Variants in NDUFAF6 observed in about 807,000 individuals in gnomAD.
NDUFAF6 encodes NADH:ubiquinone oxidoreductase complex assembly factor 6.
A neutral mutation model predicts 40.8 loss-of-function variants in NDUFAF6; 45 were observed. The observed-to-expected ratio is 1.10, with a 90% CI of 0.87 to 1.42. The LOEUF (loss-of-function observed/expected upper bound fraction) is 1.42. Ranked by LOEUF, NDUFAF6 falls within the 40% of genes most tolerant of loss-of-function variation. The pLI is 0.00. For missense variants in NDUFAF6, 435 were observed against 418.5 expected, an observed-to-expected ratio of 1.04 and a Z score of -0.34; for synonymous variants, 185 against 155.9, an observed-to-expected ratio of 1.19 and a Z score of -1.39.
At chr8:95,095,756 CT>C (rs1809441715), upstream of NDUFAF6, among the ~76,000 whole-genome samples, 4 of 152,084 alleles carry the variant, frequency 2.6e-5, no homozygotes, top group South Asian at 6.2e-4. Context: ...CCTCTGCCCC[CT>C]GGGTTCAAGT....
At chr8:95,103,804 G>C (rs142120319), downstream of NDUFAF6, among the ~76,000 whole-genome samples, 3 of 152,308 alleles carry the variant, frequency 2.0e-5, no homozygotes, top group East Asian at 3.9e-4. Context: ...GAAGAAGTTG[G>C]AGTAGGGCAA....
At chr8:94,908,664 G>A (rs997529713) in intron 1 of NDUFAF6, among the ~76,000 whole-genome samples, 2 of 152,138 alleles carry the variant, frequency 1.3e-5, no homozygotes, top group Non-Finnish European at 2.9e-5. Flanking sequence ...GCCACCGCTC[G>A]TGGCCTATGC....
intron 8 of NDUFAF6, 69 bp from the exon 9 acceptor site, chr8:95,057,740 A>T: frequency 1.8e-6 from 2 of 1,128,056 alleles, no homozygotes; most frequent in Non-Finnish European, 2.6e-6. Context: ...ATTATTCTTT[A>T]GTTAGTTTTT....
chr8:94,985,482 TATATATATATATATATATATATATATA>T (rs1825751354), intron 2 of NDUFAF6, among the ~76,000 whole-genome samples: 1 of 3,678 alleles, frequency 2.7e-4, no homozygotes, highest in Non-Finnish European at 7.3e-4. Flanking sequence ...TATATATATA[TATATATATATATATATATATATATATA>T]TATATATTTT....
chr8:94,929,504 A>G (rs1563718625), intron 1 of NDUFAF6: 1 of 151,598 alleles, frequency 6.6e-6, no homozygotes, highest in Admixed American at 6.6e-5. Flanking sequence ...CAGTCCCCAC[A>G]CTCTTGCCAC....
At chr8:94,909,757 T>A (rs1818643632) in intron 1 of NDUFAF6, among the ~76,000 whole-genome samples, 1 of 151,614 alleles carries the variant, frequency 6.6e-6, no homozygotes, top group South Asian at 2.1e-4. Flanking sequence ...AGACCTCATC[T>A]CTAAAATAAA....
intron 2 of NDUFAF6, chr8:94,949,170 C>A (rs1282940807): frequency 6.7e-6 from 1 of 150,024 alleles, no homozygotes; most frequent in Non-Finnish European, 1.5e-5. Flanking sequence ...CCGGGCCGTG[C>A]GGGGCTGCGC....
At chr8:95,112,611 C>G (rs1810028606) in intron 4 of NDUFAF6, among the ~76,000 whole-genome samples, 1 of 151,288 alleles carries the variant, frequency 6.6e-6, no homozygotes, top group Non-Finnish European at 1.5e-5. Context: ...GAAACCAACA[C>G]AACAATCTTC....
At chr8:95,113,323 G>A (rs74404696) in intron 4 of NDUFAF6, among the ~76,000 whole-genome samples, 1,586 of 152,304 alleles carry the variant, frequency 0.01, 30 homozygotes, top group African/African-American at 0.036. Flanking sequence ...GTGCCAGAGG[G>A]GATAGTAGCT....
intron 1 of NDUFAF6, among the ~76,000 whole-genome samples, chr8:94,977,395 C>A (rs1296487916): frequency 6.6e-6 from 1 of 151,558 alleles, no homozygotes; most frequent in Non-Finnish European, 1.5e-5. Context: ...ACAACTGTAG[C>A]CCTAGTACTC....
chr8:95,112,524 C>T (rs1810025286), intron 4 of NDUFAF6, among the ~76,000 whole-genome samples: 1 of 152,166 alleles, frequency 6.6e-6, no homozygotes, highest in Non-Finnish European at 1.5e-5. Flanking sequence ...ACGTTCTGGC[C>T]TCTAAAACTA....
chr8:95,091,000 CTTAATAAACTCATATATATA>C (rs1003106820), intron 2 of NDUFAF6, among the ~76,000 whole-genome samples: 22 of 126,394 alleles, frequency 1.7e-4, no homozygotes, highest in Non-Finnish European at 3.2e-4. Context: ...TAAGTTAATA[CTTAATAAACTCATATATATA>C]TTAATAAACT....
chr8:94,968,817 A>G (rs1305727365), intron 1 of NDUFAF6, among the ~76,000 whole-genome samples: 1 of 152,136 alleles, frequency 6.6e-6, no homozygotes, highest in African/African-American at 2.4e-5. Flanking sequence ...AAAATCATGG[A>G]GTCATGTTGA....
chr8:94,981,708 G>C (rs1408265867), intron 2 of NDUFAF6, among the ~76,000 whole-genome samples: 2 of 152,188 alleles, frequency 1.3e-5, no homozygotes, highest in Admixed American at 1.3e-4. Context: ...AAGAGAACTA[G>C]ACAGAGAGAA....
At chr8:95,066,325 C>T (rs1427835346) in intron 9 of NDUFAF6, among the ~76,000 whole-genome samples, 5 of 133,660 alleles carry the variant, frequency 3.7e-5, no homozygotes, top group African/African-American at 1.4e-4. Flanking sequence ...GACAGGGTCT[C>T]ACTATGTTGC....
intron 1 of NDUFAF6, among the ~76,000 whole-genome samples, chr8:94,901,733 C>T (rs1818031505): frequency 6.6e-6 from 1 of 152,166 alleles, no homozygotes; most frequent in South Asian, 2.1e-4. Context: ...AGGCATGCGT[C>T]ACCATTCCTG....
chr8:94,934,085 A>T (rs558946463), intron 1 of NDUFAF6, among the ~76,000 whole-genome samples: 1 of 152,260 alleles, frequency 6.6e-6, no homozygotes, highest in African/African-American at 2.4e-5. Context: ...CTCAAAAAAA[A>T]AAAAAGAAGT....
At chr8:94,984,111 C>T (rs191827151) in intron 2 of NDUFAF6, 44 of 152,310 alleles carry the variant, frequency 2.9e-4, no homozygotes, top group African/African-American at 1.1e-3. Context: ...TTCCAAGCTC[C>T]TTACGTGCAG....
chr8:95,052,116 G>T (rs990570664), intron 7 of NDUFAF6, 58 bp from the exon 8 acceptor site: 6 of 1,529,696 alleles, frequency 3.9e-6, no homozygotes, highest in Non-Finnish European at 5.4e-6. Flanking sequence ...GTTGCTTTCA[G>T]AGGGAGAGTG....
Sources: gnomAD v4.1 joint callset for allele counts (sites outside exome capture counted in the v4.1 genomes callset) on GRCh38, gnomAD v4.1.1 for gene constraint, MANE v1.5 for transcripts, NCBI Gene and HGNC (gene_info 2026-07-23, HGNC 2026-07-21) for gene names.